The following NDRG2 variants were observed in gnomAD, a reference collection of about 807,000 sequenced individuals.
The protein encoded by NDRG2 is protein NDRG2.
NDRG2 carries 34 observed loss-of-function variants against 58.2 expected under a neutral mutation model. That is an observed-to-expected ratio of 0.58 (90% CI 0.44 to 0.78). The LOEUF is 0.78. Among genes scored for constraint, NDRG2 ranks in the 30% least tolerant of loss-of-function variants. The pLI is 0.00. For missense variants in NDRG2, 434 were observed against 471.2 expected, an observed-to-expected ratio of 0.92 and a Z score of 0.73; for synonymous variants, 187 against 175.9, an observed-to-expected ratio of 1.06 and a Z score of -0.50.
intron 1 of NDRG2, among the ~76,000 whole-genome samples, chr14:21,065,759 GT>G (rs1255952762): frequency 6.6e-6 from 1 of 152,134 alleles, no homozygotes; most frequent in African/African-American, 2.4e-5. Context: ...GAGCAAAAAG[GT>G]GCCAAATTAA....
At chr14:21,067,769 C>CAT (rs1886349789) in intron 1 of NDRG2, among the ~76,000 whole-genome samples, 1 of 151,676 alleles carries the variant, frequency 6.6e-6, no homozygotes, top group Non-Finnish European at 1.5e-5. Context: ...CGTACACACA[C>CAT]ACACACACAC....
At chr14:21,020,687 C>T (rs1048182601) in intron 7 of NDRG2, 97 bp downstream of exon 7, 3 of 1,578,074 alleles carry the variant, frequency 1.9e-6, no homozygotes, top group East Asian at 4.5e-5. Flanking sequence ...GACTCCCCAC[C>T]TAGTGCCCAC....
In NDRG2 at chr14:21,036,300, G is replaced by A. The variant is rs188079243; in HGVS notation, c.25-12979C>T. On this transcript the variant is annotated intron_variant, in intron 1 of 14. Coordinates refer to the NDRG2 transcript ENST00000403829. The stretch of plus-strand genomic sequence containing the variant: ...GAGAAAAAGTGTGATCCCTTCTTTC[G>A]TCTAAAAGTCTGCAATAGCTTGTTT... The A allele has an allele frequency of 4.1e-4, 185 of 455,716 alleles. 1 individual carries two copies. The highest frequency in any genetic ancestry group is 3.2e-3 in the Admixed American group (138 of 42,486). 28.2% of individuals were successfully genotyped at this position (455,716 alleles called of 1,614,324 possible).
chr14:21,050,244 T>C (rs1005570050), intron 1 of NDRG2, among the ~76,000 whole-genome samples: 6 of 152,058 alleles, frequency 3.9e-5, no homozygotes, highest in African/African-American at 1.4e-4. Flanking sequence ...ATCATTGAGA[T>C]GGGAAAAAAA....
At position 21,024,572 on chromosome 14, in the gene NDRG2, G is replaced by A. The variant is rs776809334; in HGVS notation, c.-549C>T. 39 of 985,450 alleles carry A rather than the reference G, an allele frequency of 4.0e-5. No individual in the cohort carries two copies. Among genetic ancestry groups the A allele is most frequent in the Non-Finnish European group, 4.7e-5 (39 of 829,958 alleles). The allele number at this position is 985,450 out of a possible 1,614,324, so 61.0% of individuals were successfully genotyped here. On this transcript the variant is annotated 5_prime_UTR_variant, in exon 1 of 16. The change creates a premature stop within an existing upstream ORF in the 5' untranslated region. Coordinates refer to ENST00000556147, the MANE Select transcript of NDRG2 (RefSeq NM_001320329.2). ...CAATTTAAAAACAAACACAAAGATT[G>A]GTGCCGTCGCTTCTCTCCTCTACTC...
rs1877300742 is a variant in NDRG2 at position 21,017,330 on chromosome 14, C to A, written c.*266G>T. ...TAGATCAGGACAGAGGATGCATATG[C>A]CCTCTCCACCTTAACATCAAAATGG... On this transcript the variant is annotated 3_prime_UTR_variant, in exon 16 of 16. Transcript: ENST00000556147. The A allele has an allele frequency of 3.8e-6, 2 of 521,820 alleles. No individual in the cohort carries two copies. The highest frequency in any genetic ancestry group is 3.5e-6 in the Non-Finnish European group (1 of 287,586). The allele number at this position is 521,820 out of a possible 1,614,324, so 32.3% of individuals were successfully genotyped here.
At chr14:21,031,163 A>T in intron 1 of NDRG2, 1 of 1,613,394 alleles carries the variant, frequency 6.2e-7, no homozygotes, top group Non-Finnish European at 8.5e-7. Flanking sequence ...CACTGGCGCT[A>T]CTGTGAGTGA....
At position 21,019,121 on chromosome 14, in the gene NDRG2, G is replaced by C. The variant is rs758604368; in HGVS notation, c.756C>G (p.Thr252=). The change falls in exon 11 of 16, where the codon ACC becomes ACG. Residue 252 remains threonine, a synonymous_variant. Coordinates refer to ENST00000556147, the MANE Select transcript of NDRG2 (RefSeq NM_001320329.2). Reference sequence around the variant, plus strand: ...ATTATCTCTTAAAGTCTTACCTGAGGGTGATATCACCTCCACGCTCAAAGT... The same window carrying C: ...ATTATCTCTTAAAGTCTTACCTGAGCGTGATATCACCTCCACGCTCAAAGT... ...DLNFERGGDI[T]LRCPVMLVVG... 5 of 1,610,416 alleles carry C rather than the reference G, an allele frequency of 3.1e-6. No homozygotes were observed. Among genetic ancestry groups the C allele is most frequent in the Non-Finnish European group, 4.2e-6 (5 of 1,178,830 alleles).
chr14:21,032,567 G>A (rs1884296384), intron 1 of NDRG2: 1 of 346,122 alleles, frequency 2.9e-6, no homozygotes, highest in Non-Finnish European at 5.6e-6. Flanking sequence ...GTAGAAGCCA[G>A]CTAAGGTTGC....
intron 1 of NDRG2, among the ~76,000 whole-genome samples, chr14:21,065,002 T>G (rs995093408): frequency 1.3e-5 from 2 of 151,802 alleles, no homozygotes; most frequent in African/African-American, 4.8e-5. Flanking sequence ...GAAACCACAT[T>G]TCTACTAAAA....
chr14:21,049,065 A>G (rs1336990470), intron 1 of NDRG2, among the ~76,000 whole-genome samples: 1 of 152,240 alleles, frequency 6.6e-6, no homozygotes, highest in Non-Finnish European at 1.5e-5. Context: ...ATCCAAAGAT[A>G]TGAAAATAAG....
At chr14:21,022,253 C>G (rs1880887656) in intron 4 of NDRG2, 71 bp from the exon 5 acceptor site, 1 of 1,609,054 alleles carries the variant, frequency 6.2e-7, no homozygotes. Flanking sequence ...AGAACTCACC[C>G]TTCCTTTCAT....
intron 11 of NDRG2, 121 bp downstream of exon 11, chr14:21,018,995 T>C (rs542938374): frequency 2.6e-5 from 33 of 1,280,272 alleles, no homozygotes; most frequent in Non-Finnish European, 3.4e-5. Context: ...ATTTACCAAA[T>C]AGGATGGGGT....
intron 1 of NDRG2, among the ~76,000 whole-genome samples, chr14:21,055,064 G>A (rs900199867): frequency 5.3e-5 from 8 of 152,066 alleles, no homozygotes; most frequent in South Asian, 2.1e-4. Flanking sequence ...TTTACCACTC[G>A]CCACACTACT....
In NDRG2 at chr14:21,024,816, C is replaced by T; in HGVS notation, c.-793G>A. The T allele has an allele frequency of 1.0e-6, 1 of 985,582 alleles. No individual in the cohort carries two copies. The highest frequency in any genetic ancestry group is 1.2e-6 in the Non-Finnish European group (1 of 830,036). 61.1% of individuals were successfully genotyped at this position (985,582 alleles called of 1,614,324 possible). On this transcript the variant is annotated 5_prime_UTR_variant, in exon 1 of 16. Transcript: ENST00000556147. Reference sequence around the variant, plus strand: ...ACACCCTTGCGTGGCCGGTGCCAAGCGCCCCGGACCTTGCACACAACCTCG... The same window carrying T: ...ACACCCTTGCGTGGCCGGTGCCAAGTGCCCCGGACCTTGCACACAACCTCG...
intron 1 of NDRG2, among the ~76,000 whole-genome samples, chr14:21,069,973 C>T (rs1441026352): frequency 1.3e-5 from 2 of 152,200 alleles, no homozygotes; most frequent in Non-Finnish European, 2.9e-5. Context: ...AAACTGATCC[C>T]GCGGGGAGCG....
At chr14:21,034,863 C>G (rs1421539079) in intron 1 of NDRG2, 1 of 153,136 alleles carries the variant, frequency 6.5e-6, no homozygotes, top group Non-Finnish European at 1.5e-5. Flanking sequence ...AGGAAAGAGG[C>G]ATTACTATCT....
intron 1 of NDRG2, chr14:21,034,844 A>G (rs559991074): frequency 6.5e-6 from 1 of 153,442 alleles, no homozygotes; most frequent in East Asian, 1.9e-4. Flanking sequence ...AGAGGGTTGG[A>G]TGGGTGGGAG....
Position 21,017,380 on chromosome 14 carries a change from G to A in NDRG2, c.*216C>T. On this transcript the variant is annotated 3_prime_UTR_variant, in exon 16 of 16. Transcript: ENST00000556147. ...GGGGAGGAGGAGAATTTAGGGGTCTGGGTCCCTAAGAGATATTAGGACATC... is the reference window on the plus strand; with the variant it reads ...GGGGAGGAGGAGAATTTAGGGGTCTAGGTCCCTAAGAGATATTAGGACATC... 1 of 609,134 alleles carries A rather than the reference G, an allele frequency of 1.6e-6. No individual in the cohort carries two copies. The highest frequency in any genetic ancestry group is 2.0e-5 in the South Asian group (1 of 49,476). 37.7% of individuals were successfully genotyped at this position (609,134 alleles called of 1,614,324 possible). A position where few individuals can be genotyped will look rare whatever the true frequency, so the allele number is the denominator to read the frequency against.
Sources: allele counts gnomAD v4.1 joint callset (sites outside exome capture counted in the v4.1 genomes callset), GRCh38; gene constraint gnomAD v4.1.1; transcripts MANE v1.5; gene names NCBI Gene and HGNC (gene_info 2026-07-23, HGNC 2026-07-21).